Variants in FAM13C observed in about 807,000 individuals in gnomAD.
FAM13C encodes the protein protein FAM13C.
In FAM13C, 37 loss-of-function variants were observed where a neutral mutation model predicts 73.2. That is an observed-to-expected ratio of 0.51 (90% CI 0.39 to 0.67). The LOEUF is 0.67. FAM13C is among the 30% of genes least tolerant of loss of function. FAM13C has a pLI of 0.00. For missense variants in FAM13C, 589 were observed against 715.6 expected, an observed-to-expected ratio of 0.82 and a Z score of 2.02; for synonymous variants, 246 against 260.9, an observed-to-expected ratio of 0.94 and a Z score of 0.55.
chr10:59,353,258 T>C (rs1232470709), intron 2 of FAM13C, among the ~76,000 whole-genome samples: 1 of 152,194 alleles, frequency 6.6e-6, no homozygotes, highest in Non-Finnish European at 1.5e-5. Context: ...TTCTCAAAAA[T>C]ACTGACATGA....
chr10:59,322,712 T>C (rs1850488069), intron 4 of FAM13C, among the ~76,000 whole-genome samples: 1 of 152,222 alleles, frequency 6.6e-6, no homozygotes, highest in African/African-American at 2.4e-5. Context: ...TTTTGAAATA[T>C]GCATGGGAAT....
chr10:59,265,319 T>TGGGGGG (rs1554811296), intron 8 of FAM13C, among the ~76,000 whole-genome samples: 1 of 2,292 alleles, frequency 4.4e-4, no homozygotes, highest in African/African-American at 5.1e-4. Context: ...GAAGGGGTTT[T>TGGGGGG]GGCGGGGGGG....
chr10:59,362,641 C>T (rs1175337975), upstream of FAM13C: 5 of 1,387,736 alleles, frequency 3.6e-6, no homozygotes, highest in Non-Finnish European at 4.7e-6. Context: ...CACGGGCGAA[C>T]CACAAAGCCC....
intron 3 of FAM13C, among the ~76,000 whole-genome samples, chr10:59,343,622 A>G (rs1382516361): frequency 1.3e-5 from 2 of 152,194 alleles, no homozygotes; most frequent in South Asian, 2.1e-4. Context: ...GCTGTGTGTT[A>G]CTTCAGGCCT....
chr10:59,341,743 T>C (rs1481165978), intron 3 of FAM13C, among the ~76,000 whole-genome samples: 1 of 152,094 alleles, frequency 6.6e-6, no homozygotes, highest in East Asian at 1.9e-4. Context: ...CCACAACTGA[T>C]AAGCAGTAGA....
chr10:59,254,517 A>ATTTT lies in FAM13C; in HGVS notation c.1237-75_1237-74insAAAA, dbSNP rs1841742891. 8 of 749,618 alleles carry ATTTT rather than the reference A, an allele frequency of 1.1e-5. No individual in the cohort carries two copies. The East Asian group carries it at 2.0e-4, about 19-fold the overall frequency. The allele number at this position is 749,618 out of a possible 1,614,324, so 46.4% of individuals were successfully genotyped here. On this transcript the variant is annotated intron_variant, in intron 10 of 13. Coordinates refer to ENST00000618804, the MANE Select transcript of FAM13C (RefSeq NM_198215.4). ...AACGTCAACATTTTTAGCAGACAAA[A>ATTTT]AGCCTCAAAGTAAAGGATTATAATA...
At chr10:59,295,397 T>C (rs1329880834) in intron 5 of FAM13C, among the ~76,000 whole-genome samples, 1 of 152,062 alleles carries the variant, frequency 6.6e-6, no homozygotes, top group Non-Finnish European at 1.5e-5. Context: ...GGCTCCAAGA[T>C]AAAGGGTGAG....
intron 10 of FAM13C, among the ~76,000 whole-genome samples, chr10:59,261,593 A>G (rs959920723): frequency 1.3e-5 from 2 of 152,108 alleles, no homozygotes; most frequent in Admixed American, 6.6e-5. Context: ...ATGACCTATA[A>G]ATAGTGCTTC....
Position 59,355,832 on chromosome 10 carries a change from G to A in FAM13C, c.119+55C>T, listed in dbSNP as rs955676462. The A allele has an allele frequency of 2.7e-6, 4 of 1,482,566 alleles. No individual in the cohort carries two copies. The African/African-American group carries it at 4.2e-5, about 15-fold the overall frequency. 91.8% of individuals were successfully genotyped at this position (1,482,566 alleles called of 1,614,324 possible). A position where few individuals can be genotyped will look rare whatever the true frequency, so the allele number is the denominator to read the frequency against. On this transcript the variant is annotated intron_variant, in intron 2 of 13. Coordinates refer to ENST00000618804, the MANE Select transcript of FAM13C (RefSeq NM_198215.4). ...ACTAGAATTCAAAGGAAAGCCACCA[G>A]ACCTAGATGGCTTCTGTCTCTCACA...
At chr10:59,278,742 T>A (rs937351494) in intron 6 of FAM13C, among the ~76,000 whole-genome samples, 2 of 151,748 alleles carry the variant, frequency 1.3e-5, no homozygotes, top group South Asian at 4.2e-4. Flanking sequence ...TCCATAATAG[T>A]AGCCATTTTT....
intron 5 of FAM13C, among the ~76,000 whole-genome samples, chr10:59,295,858 G>A (rs1344507102): frequency 6.6e-6 from 1 of 152,124 alleles, no homozygotes; most frequent in Non-Finnish European, 1.5e-5. Context: ...TTCAATCCCT[G>A]GACCTAGCCA....
At chr10:59,253,819 C>T (rs1190359092) in intron 11 of FAM13C, 2 of 152,284 alleles carry the variant, frequency 1.3e-5, no homozygotes, top group African/African-American at 4.8e-5. Flanking sequence ...TTTTCTAGTT[C>T]TGTATTCCCA....
chr10:59,300,005 A>C (rs1254877718), intron 5 of FAM13C, among the ~76,000 whole-genome samples: 1 of 152,218 alleles, frequency 6.6e-6, no homozygotes, highest in Non-Finnish European at 1.5e-5. Flanking sequence ...GGCAGGTGTC[A>C]AATCTATACT....
Position 59,262,422 on chromosome 10 carries a change from A to C in FAM13C, c.1236+12T>G. On this transcript the variant is annotated intron_variant, in intron 10 of 13. Transcript: ENST00000618804. The stretch of plus-strand genomic sequence containing the variant: ...ACAGGGGCCCTCTATATAACAAGAC[A>C]TGGTGATGTACCTTAGAATCCTCCT... 6.2e-7 allele frequency: 1 copy of C among 1,612,224 alleles called. No homozygotes were observed. The highest frequency in any genetic ancestry group is 1.3e-5 in the African/African-American group (1 of 74,938).
At chr10:59,318,026 T>C (rs1352325492) in intron 4 of FAM13C, among the ~76,000 whole-genome samples, 1 of 151,396 alleles carries the variant, frequency 6.6e-6, no homozygotes, top group African/African-American at 2.4e-5. Flanking sequence ...GTTAAAACAA[T>C]AGCAACAATA....
intron 4 of FAM13C, among the ~76,000 whole-genome samples, chr10:59,312,177 T>A (rs1023097847): frequency 6.6e-6 from 1 of 152,212 alleles, no homozygotes; most frequent in South Asian, 2.1e-4. Context: ...TAACTACGTA[T>A]CACACTGGCT....
intron 4 of FAM13C, among the ~76,000 whole-genome samples, chr10:59,311,943 A>G (rs886513780): frequency 1.3e-5 from 2 of 152,122 alleles, no homozygotes; most frequent in African/African-American, 4.8e-5. Flanking sequence ...CCTATCTATC[A>G]GAATCCACCT....
rs532892805 is a variant in FAM13C at position 59,326,182 on chromosome 10, G to A, written c.325-2076C>T. 2.6e-5 allele frequency among the ~76,000 whole-genome samples: 4 copies of A among 152,198 alleles called. No homozygotes were observed. The South Asian group carries it at 6.2e-4, about 24-fold the overall frequency. ...GAATAACAAGAACTTTAGAGAAAGTGCCTCCTTAATATGCTTAGATCAGAG... is the reference window on the plus strand; with the variant it reads ...GAATAACAAGAACTTTAGAGAAAGTACCTCCTTAATATGCTTAGATCAGAG... On this transcript the variant is annotated intron_variant, in intron 3 of 13. Coordinates refer to ENST00000618804, the MANE Select transcript of FAM13C (RefSeq NM_198215.4).
chr10:59,285,260 C>T (rs947334742), intron 5 of FAM13C, among the ~76,000 whole-genome samples: 4 of 152,132 alleles, frequency 2.6e-5, no homozygotes, highest in Non-Finnish European at 4.4e-5. Context: ...TTGGCTTCCT[C>T]CTCCATTCTG....
Sources: gnomAD v4.1 joint callset for allele counts (sites outside exome capture counted in the v4.1 genomes callset) on GRCh38, gnomAD v4.1.1 for gene constraint, MANE v1.5 for transcripts, NCBI Gene and HGNC (gene_info 2026-07-23, HGNC 2026-07-21) for gene names.